Variants in PIGU observed in about 807,000 individuals in gnomAD.
The protein encoded by PIGU is GPI-anchor transamidase component PIGU.
A neutral mutation model predicts 49.9 loss-of-function variants in PIGU; 24 were observed. That is an observed-to-expected ratio of 0.48 (90% CI 0.35 to 0.68). The LOEUF (loss-of-function observed/expected upper bound fraction) is 0.68, where lower values mean the gene tolerates loss of function less well. PIGU is among the 30% of genes least tolerant of loss of function. PIGU has a pLI of 0.01. For synonymous variants in PIGU, 220 were observed against 205.7 expected, an observed-to-expected ratio of 1.07 and a Z score of -0.59; for missense variants, 490 against 532.6, an observed-to-expected ratio of 0.92 and a Z score of 0.79.
chr20:34,642,744 CTT>C (rs946911419), intron 4 of PIGU, among the ~76,000 whole-genome samples: 2 of 91,166 alleles, frequency 2.2e-5, no homozygotes, highest in Non-Finnish European at 2.3e-5. Flanking sequence ...TTTCCCTAGT[CTT>C]TTTTTTTTTT....
At chr20:34,649,156 C>T (rs767215160) in intron 2 of PIGU, among the ~76,000 whole-genome samples, 1 of 152,048 alleles carries the variant, frequency 6.6e-6, no homozygotes, top group Non-Finnish European at 1.5e-5. Context: ...TGTGAGCCAC[C>T]ACGCCCGGTC....
At chr20:34,645,198 A>AG in intron 3 of PIGU, 77 bp downstream of exon 3, 1 of 1,405,594 alleles carries the variant, frequency 7.1e-7, no homozygotes, top group Non-Finnish European at 9.4e-7. Flanking sequence ...AAAAAAAAAA[A>AG]AAAAAGAGAG....
In PIGU at chr20:34,628,337, C is replaced by A. The variant is rs114997142; in HGVS notation, c.529+6278G>T. Among the ~76,000 whole-genome samples the A allele has an allele frequency of 3.1e-3, 467 of 151,758 alleles. 2 individuals are homozygous for A. Among genetic ancestry groups the A allele is most frequent in the African/African-American group, 0.011 (439 of 41,300 alleles). ...ATTATCCACAAAAAGGAAAAAAAAT[C>A]AATAAATTAATTCCAGAAATTGTTA... is the stretch of plus-strand genomic sequence containing the variant. On this transcript the variant is annotated intron_variant, in intron 6 of 11. Transcript: ENST00000217446.
In PIGU at chr20:34,575,260, G is replaced by A; in HGVS notation, c.1052-14C>T. 6.2e-7 allele frequency: 1 copy of A among 1,612,942 alleles called. No homozygotes were observed. Among genetic ancestry groups the A allele is most frequent in the African/African-American group, 1.3e-5 (1 of 75,018 alleles). ...TGTTTCTCAGGACTGCAAAGACAGA[G>A]GGTTACAGTTAGCCTGACACGCTCT... On this transcript the variant is annotated splice_polypyrimidine_tract_variant and intron_variant, in intron 10 of 11. Coordinates refer to ENST00000217446, the MANE Select transcript of PIGU (RefSeq NM_080476.5).
chr20:34,668,914 C>T (rs891044635), intron 1 of PIGU, among the ~76,000 whole-genome samples: 8 of 108,594 alleles, frequency 7.4e-5, no homozygotes, highest in African/African-American at 1.1e-4. Context: ...CAGGGTCTTG[C>T]TCTGGTGCCA....
At chr20:34,596,196 A>T (rs1487812762) in intron 7 of PIGU, among the ~76,000 whole-genome samples, 1 of 152,196 alleles carries the variant, frequency 6.6e-6, no homozygotes, top group Non-Finnish European at 1.5e-5. Context: ...AAAACATGTA[A>T]ATTCAGTCCA....
intron 7 of PIGU, among the ~76,000 whole-genome samples, chr20:34,612,982 A>T (rs1984877855): frequency 6.6e-6 from 1 of 152,008 alleles, no homozygotes; most frequent in Non-Finnish European, 1.5e-5. Flanking sequence ...ATATATTTAT[A>T]AAAAATATAC....
rs185756860 is a variant in PIGU, at chr20:34,563,739, G to T, written c.1195-2760C>A. ...TCCACTCTGCATCTCCTAAGCCTAGGGGGGTCTAGACTTGGTTACTCACTT... is the reference window on the plus strand; with the variant it reads ...TCCACTCTGCATCTCCTAAGCCTAGTGGGGTCTAGACTTGGTTACTCACTT... On this transcript the variant is annotated intron_variant, in intron 11 of 11. Transcript: ENST00000217446. Among the ~76,000 whole-genome samples, 81 of 152,124 alleles carry T rather than the reference G, an allele frequency of 5.3e-4. No homozygotes were observed. The East Asian group carries it at 7.0e-3, about 13-fold the overall frequency.
intron 2 of PIGU, among the ~76,000 whole-genome samples, chr20:34,654,699 G>A (rs373268557): frequency 8.3e-6 from 1 of 120,274 alleles, no homozygotes; most frequent in African/African-American, 3.0e-5. Flanking sequence ...GTACATATGA[G>A]AGAGATAACT....
intron 11 of PIGU, among the ~76,000 whole-genome samples, chr20:34,564,925 C>T (rs919350126): frequency 2.6e-5 from 4 of 152,246 alleles, no homozygotes; most frequent in Admixed American, 6.5e-5. Context: ...ACCCTGCCCC[C>T]AGGGAGAGGA....
chr20:34,563,352 G>A (rs947539438), intron 11 of PIGU, among the ~76,000 whole-genome samples: 1 of 152,058 alleles, frequency 6.6e-6, no homozygotes, highest in African/African-American at 2.4e-5. Context: ...CGGATCACCT[G>A]AGGTTGGGAG....
At chr20:34,619,460 C>T (rs1405047442) in intron 6 of PIGU, among the ~76,000 whole-genome samples, 1 of 152,164 alleles carries the variant, frequency 6.6e-6, no homozygotes, top group East Asian at 1.9e-4. Flanking sequence ...AGAGGGAAAA[C>T]ACTGAAAATA....
chr20:34,576,829 G>T (rs1341633932), intron 10 of PIGU, among the ~76,000 whole-genome samples: 2 of 152,086 alleles, frequency 1.3e-5, no homozygotes, highest in East Asian at 3.9e-4. Context: ...AGCAAAATTG[G>T]GCAGAAGATT....
intron 6 of PIGU, among the ~76,000 whole-genome samples, chr20:34,620,750 G>A (rs187740177): frequency 6.7e-6 from 1 of 148,236 alleles, no homozygotes; most frequent in South Asian, 2.1e-4. Flanking sequence ...GGCAGAGCTT[G>A]CAGTGAGCCG....
chr20:34,665,310 T>C (rs1454939412), intron 1 of PIGU, among the ~76,000 whole-genome samples: 1 of 145,338 alleles, frequency 6.9e-6, no homozygotes, highest in Non-Finnish European at 1.5e-5. Context: ...TTCACGCCAT[T>C]CTCCTGCCTC....
chr20:34,562,590 T>C, intron 11 of PIGU: 1 of 1,284,052 alleles, frequency 7.8e-7, no homozygotes, highest in Non-Finnish European at 1.0e-6. Context: ...AATCCTCATC[T>C]TAAACAGATG....
intron 6 of PIGU, among the ~76,000 whole-genome samples, chr20:34,617,919 A>C (rs1269522030): frequency 6.6e-6 from 1 of 152,098 alleles, no homozygotes; most frequent in Non-Finnish European, 1.5e-5. Flanking sequence ...GTCTCACAAG[A>C]TCTAATGGTT....
chr20:34,569,195 C>A (rs942652253), intron 11 of PIGU, among the ~76,000 whole-genome samples: 2 of 151,818 alleles, frequency 1.3e-5, no homozygotes, highest in Non-Finnish European at 2.9e-5. Flanking sequence ...CAGAGCAAGA[C>A]CCTGTCTCAA....
intron 6 of PIGU, among the ~76,000 whole-genome samples, chr20:34,631,761 A>T (rs1314104239): frequency 2.0e-4 from 1 of 5,028 alleles, no homozygotes; most frequent in Non-Finnish European, 3.7e-4. Flanking sequence ...ATATATATAT[A>T]TATATATATA....
Sources: allele counts gnomAD v4.1 joint callset (sites outside exome capture counted in the v4.1 genomes callset), GRCh38; gene constraint gnomAD v4.1.1; transcripts MANE v1.5; gene names NCBI Gene and HGNC (gene_info 2026-07-23, HGNC 2026-07-21).